HMCN2: variants seen among roughly 807,000 people sequenced by gnomAD.
The protein encoded by HMCN2 is hemicentin-2.
Under a neutral mutation model 377.5 loss-of-function variants are expected in HMCN2, and 325 were observed. The ratio of observed to expected loss-of-function variants is 0.86; its 90% CI spans 0.79 to 0.94. HMCN2 has a LOEUF of 0.94. Among genes scored for constraint, HMCN2 ranks in the 40% least tolerant of loss-of-function variants. The pLI is 0.00. For synonymous variants in HMCN2, 2,007 were observed against 2,046.8 expected, an observed-to-expected ratio of 0.98 and a Z score of 0.53; for missense variants, 4,543 against 4,725.3, an observed-to-expected ratio of 0.96 and a Z score of 1.13.
chr9:130,390,062 C>T (rs1842224983), intron 62 of HMCN2, among the ~76,000 whole-genome samples: 1 of 152,190 alleles, frequency 6.6e-6, no homozygotes, highest in Non-Finnish European at 1.5e-5. Flanking sequence ...TCTGTGTGGA[C>T]CTGTGTCATC....
At chr9:130,411,940 T>G (rs1843440374) in intron 85 of HMCN2, among the ~76,000 whole-genome samples, 1 of 109,492 alleles carries the variant, frequency 9.1e-6, no homozygotes, top group Non-Finnish European at 2.1e-5. Context: ...CAATGATAAA[T>G]TTTATGTAAT....
intron 87 of HMCN2, 90 bp from the exon 88 acceptor site, chr9:130,424,686 G>A: frequency 1.5e-6 from 2 of 1,361,382 alleles, no homozygotes; most frequent in Non-Finnish European, 1.9e-6. Context: ...CTCTCCTGGG[G>A]GCAGTGGGGA....
At chr9:130,398,019 G>A (rs1842687875) in intron 74 of HMCN2, among the ~76,000 whole-genome samples, 1 of 151,480 alleles carries the variant, frequency 6.6e-6, no homozygotes, top group South Asian at 2.1e-4. Flanking sequence ...CAAGCATGGT[G>A]GCACGTGCCT....
chr9:130,329,184 T>C (rs1175986269), intron 22 of HMCN2, among the ~76,000 whole-genome samples: 3 of 152,192 alleles, frequency 2.0e-5, no homozygotes, highest in Admixed American at 2.0e-4. Flanking sequence ...CTGCAGCCCC[T>C]GACAGCCACT....
At chr9:130,382,131 C>A in intron 54 of HMCN2, 53 bp from the exon 55 acceptor site, 2 of 846,066 alleles carry the variant, frequency 2.4e-6, no homozygotes, top group Non-Finnish European at 2.8e-6. Flanking sequence ...CGTCTTTGCT[C>A]TTGGGGGTGA....
Position 130,400,902 on chromosome 9 carries a change from G to C in HMCN2, c.11725G>C (p.Ala3909Pro). ...GACCGTGTCCTGGAGCAAGGCAGGC[G>C]CCCAGCTAGGAGCTCGGGGGAGTGG... ...APTVSWSKAG[A>P]QLGARGSGYR... The change falls in exon 77 of 98, where the codon GCC (alanine) becomes CCC (proline). Residue 3909 changes from alanine (A) to proline (P), a missense_variant. Around this residue, in one of 5 missense-constraint regions of HMCN2, gnomAD observed 1,073 missense variants for 1,319.5 expected, o/e 0.81. Transcript: ENST00000683500. 7.8e-7 allele frequency: 1 copy of C among 1,289,410 alleles called. No individual in the cohort carries two copies. The highest frequency in any genetic ancestry group is 1.0e-6 in the Non-Finnish European group (1 of 988,702). The allele number at this position is 1,289,410 out of a possible 1,614,324, so 79.9% of individuals were successfully genotyped here. A position where few individuals can be genotyped will look rare whatever the true frequency, so the allele number is the denominator to read the frequency against.
intron 41 of HMCN2, 42 bp downstream of exon 41, chr9:130,364,931 C>T: frequency 1.0e-6 from 1 of 982,576 alleles, no homozygotes; most frequent in Non-Finnish European, 1.2e-6. Context: ...TCCACCTCGG[C>T]CCAAGGGCAG....
chr9:130,314,662 C>T (rs2131378626), intron 15 of HMCN2, among the ~76,000 whole-genome samples: 1 of 152,314 alleles, frequency 6.6e-6, no homozygotes, highest in Non-Finnish European at 1.5e-5. Flanking sequence ...TGAGACTCCT[C>T]CCTCCTCCTG....
Position 130,357,995 on chromosome 9 carries a change from G to A in HMCN2, c.5580+7G>A. 3 of 1,301,030 alleles carry A rather than the reference G, an allele frequency of 2.3e-6. No homozygotes were observed. In the South Asian group the frequency reaches 3.7e-5, roughly 16 times the overall value. The allele number at this position is 1,301,030 out of a possible 1,614,324, so 80.6% of individuals were successfully genotyped here. A position where few individuals can be genotyped will look rare whatever the true frequency, so the allele number is the denominator to read the frequency against. On this transcript the variant is annotated splice_region_variant and intron_variant, in intron 35 of 97. Coordinates refer to ENST00000683500, the MANE Select transcript of HMCN2 (RefSeq NM_001291815.2). ...CTTTGGGGGGAACCTACAGGTATGTGCAGGGGCCCCAGGGCTGGCAAGCCA... is the reference window on the plus strand; with the variant it reads ...CTTTGGGGGGAACCTACAGGTATGTACAGGGGCCCCAGGGCTGGCAAGCCA...
chr9:130,398,666 C>G lies in HMCN2; in HGVS notation c.11442C>G (p.Asp3814Glu). ...AGCCCCTGGTGGTCTGGTGGAAGGA[C>G]GGACAGAAGCTGGACTTCCGCCTGC... ...SPKPLVVWWK[D>E]GQKLDFRLQQ... Residue 3814 changes from aspartate (D) to glutamate (E), a missense_variant, in exon 75 of 98, where the codon GAC becomes GAG. By Grantham distance (45) the Asp-to-Glu change is conservative. Transcript: ENST00000683500. 7.8e-7 allele frequency: 1 copy of G among 1,289,620 alleles called. No homozygotes were observed. Among genetic ancestry groups the G allele is most frequent in the Middle Eastern group, 2.1e-4 (1 of 4,696 alleles). 79.9% of individuals were successfully genotyped at this position (1,289,620 alleles called of 1,614,324 possible). A position where few individuals can be genotyped will look rare whatever the true frequency, so the allele number is the denominator to read the frequency against.
chr9:130,296,428 C>T (rs903521037), intron 6 of HMCN2, among the ~76,000 whole-genome samples: 2 of 152,162 alleles, frequency 1.3e-5, no homozygotes, highest in Admixed American at 1.3e-4. Context: ...GGGGCTGAGG[C>T]GAGCTGAGGG....
intron 19 of HMCN2, among the ~76,000 whole-genome samples, chr9:130,325,244 C>T (rs1194457516): frequency 1.3e-5 from 2 of 151,828 alleles, no homozygotes; most frequent in Non-Finnish European, 1.5e-5. Flanking sequence ...ACAAGGCATG[C>T]ACCACCATGC....
Position 130,418,804 on chromosome 9 carries a change from A to G in HMCN2, c.12994A>G (p.Met4332Val), listed in dbSNP as rs1187128748. 2 of 1,494,820 alleles carry G rather than the reference A, an allele frequency of 1.3e-6. No homozygotes were observed. Among genetic ancestry groups the G allele is most frequent in the Non-Finnish European group, 1.8e-6 (2 of 1,114,528 alleles). The allele number at this position is 1,494,820 out of a possible 1,614,324, so 92.6% of individuals were successfully genotyped here. Residue 4332 changes from methionine (M) to valine (V), a missense_variant, in exon 86 of 98, where the codon ATG (methionine) becomes GTG (valine). This residue lies in a region of HMCN2 where 1,155 missense variants were observed against 1,157.7 expected (regional missense o/e 1.00). Transcript: ENST00000683500. ...GGTGTTCCAGGTGGAGCCCCAGGAC[A>G]TGACAGTGAGATCTGGGGATGACGT... ...APVFQVEPQD[M>V]TVRSGDDVAL...
chr9:130,396,268 T>C lies in HMCN2; in HGVS notation c.11153T>C (p.Val3718Ala). The change falls in exon 73 of 98, where the codon GTG becomes GCG. Residue 3718 changes from valine to alanine, a missense_variant. By Grantham distance (64) the Val-to-Ala change is moderately conservative (BLOSUM62 0). Transcript: ENST00000683500. ...GCCGACGGCGTGCCCGCACCCCTCG[T>C]GAGCTGGCGGAAGGACAGGGTCCCC... ...CQADGVPAPLVSWRKDRVPLD... is the reference protein window; with the variant it reads ...CQADGVPAPLASWRKDRVPLD... 7.8e-7 allele frequency: 1 copy of C among 1,284,386 alleles called. No individual in the cohort carries two copies. Among genetic ancestry groups the C allele is most frequent in the Non-Finnish European group, 1.0e-6 (1 of 984,296 alleles). 79.6% of individuals were successfully genotyped at this position (1,284,386 alleles called of 1,614,324 possible).
At chr9:130,410,418 C>T in intron 84 of HMCN2, 153 bp from the exon 85 acceptor site, 1 of 613,910 alleles carries the variant, frequency 1.6e-6, no homozygotes, top group Non-Finnish European at 2.9e-6. Flanking sequence ...GTCACAGAGG[C>T]CCTTCTGATG....
intron 29 of HMCN2, among the ~76,000 whole-genome samples, chr9:130,349,961 G>C (rs1011577880): frequency 7.1e-6 from 1 of 140,126 alleles, no homozygotes; most frequent in African/African-American, 2.7e-5. Flanking sequence ...GCAGTGGAAC[G>C]ATCTCAGCTC....
intron 62 of HMCN2, among the ~76,000 whole-genome samples, chr9:130,388,855 G>A (rs977533457): frequency 4.6e-5 from 7 of 152,226 alleles, no homozygotes; most frequent in Admixed American, 4.6e-4. Context: ...GCCATGGAAA[G>A]CCCACTGGCT....
At chr9:130,368,130 T>G (rs984855835) in intron 43 of HMCN2, 146 bp from the exon 44 acceptor site, 6 of 294,628 alleles carry the variant, frequency 2.0e-5, no homozygotes, top group Non-Finnish European at 2.5e-5. Flanking sequence ...CATGGAAGGC[T>G]TCCCGGAAGA....
At position 130,360,506 on chromosome 9, in the gene HMCN2, G is replaced by A. The variant is rs755711972; in HGVS notation, c.5852G>A (p.Arg1951His). 25 of 1,304,066 alleles carry A rather than the reference G, an allele frequency of 1.9e-5. No individual in the cohort carries two copies. Among genetic ancestry groups the A allele is most frequent in the Admixed American group, 9.2e-5 (4 of 43,536 alleles). 80.8% of individuals were successfully genotyped at this position (1,304,066 alleles called of 1,614,324 possible). The change falls in exon 38 of 98, where the codon CGC becomes CAC. Residue 1951 changes from arginine to histidine, a missense_variant. Physicochemically the swap from Arg to His is conservative, Grantham distance 29. Transcript: ENST00000683500. This position sits in a 1 kb window ranked among gnomAD's most constrained non-coding sequence, Gnocchi z 4.7. The part of the protein sequence containing the change: ...VTVSVDGRVL[R>H]IEQAQLSDAG... The stretch of plus-strand genomic sequence containing the variant: ...GTATCAGTGGATGGGAGAGTTCTCC[G>A]CATTGAGCAAGCCCAGCTTTCTGAT...
Sources: gnomAD v4.1 joint callset for allele counts (sites outside exome capture counted in the v4.1 genomes callset) on GRCh38, gnomAD v4.1.1 for gene constraint, gnomAD v4.1.1 regional missense constraint, Gnocchi (gnomAD v3.1) non-coding constraint, MANE v1.5 for transcripts, NCBI Gene and HGNC (gene_info 2026-07-23, HGNC 2026-07-21) for gene names.